Variants in MYO1E observed in about 807,000 individuals in gnomAD.
The protein encoded by MYO1E is unconventional myosin-Ie.
A neutral mutation model predicts 151.1 loss-of-function variants in MYO1E; 68 were observed. The observed-to-expected ratio is 0.45, with a 90% CI of 0.37 to 0.55. The LOEUF (loss-of-function observed/expected upper bound fraction) is 0.55, where lower values mean the gene tolerates loss of function less well. Among genes scored for constraint, MYO1E ranks in the 20% least tolerant of loss-of-function variants. The pLI is 0.00. For synonymous variants in MYO1E, 601 were observed against 501.7 expected, an observed-to-expected ratio of 1.20 and a Z score of -2.64; for missense variants, 1,363 against 1,389.3, an observed-to-expected ratio of 0.98 and a Z score of 0.30.
chr15:59,167,792 G>A (rs756597019), intron 22 of MYO1E, among the ~76,000 whole-genome samples: 5 of 152,040 alleles, frequency 3.3e-5, no homozygotes, highest in Admixed American at 6.6e-5. Flanking sequence ...TTCTCCTGCC[G>A]CAGCCTCCTA....
At chr15:59,252,380 C>T (rs917799942) in intron 4 of MYO1E, among the ~76,000 whole-genome samples, 16 of 151,982 alleles carry the variant, frequency 1.1e-4, no homozygotes, top group Admixed American at 8.5e-4. Flanking sequence ...GTCAGGAGTT[C>T]AAGACCAGCC....
chr15:59,240,335 T>C (rs1307389287), intron 4 of MYO1E, among the ~76,000 whole-genome samples: 1 of 152,180 alleles, frequency 6.6e-6, no homozygotes, highest in South Asian at 2.1e-4. Context: ...ACAGACTTTA[T>C]AGGAAATATT....
intron 4 of MYO1E, among the ~76,000 whole-genome samples, chr15:59,237,749 A>G (rs1330774379): frequency 6.6e-6 from 1 of 152,264 alleles, no homozygotes; most frequent in East Asian, 1.9e-4. Flanking sequence ...GGAAAGAGAA[A>G]ACATTTGCTT....
At chr15:59,269,994 C>T (rs1004181040) in intron 2 of MYO1E, among the ~76,000 whole-genome samples, 1 of 152,122 alleles carries the variant, frequency 6.6e-6, no homozygotes, top group Non-Finnish European at 1.5e-5. Flanking sequence ...AGTGTGAAAA[C>T]AACCCTAAAC....
intron 1 of MYO1E, among the ~76,000 whole-genome samples, chr15:59,357,833 G>C (rs910187454): frequency 2.0e-5 from 3 of 152,102 alleles, no homozygotes; most frequent in East Asian, 1.9e-4. Flanking sequence ...GGGATGGAGA[G>C]GGGGAGGAAT....
At chr15:59,238,369 A>G (rs1344676178) in intron 4 of MYO1E, among the ~76,000 whole-genome samples, 1 of 152,228 alleles carries the variant, frequency 6.6e-6, no homozygotes, top group African/African-American at 2.4e-5. Context: ...CAATGGCACA[A>G]CCACCCAATA....
intron 18 of MYO1E, among the ~76,000 whole-genome samples, chr15:59,187,284 C>T (rs1260858270): frequency 6.6e-6 from 1 of 152,134 alleles, no homozygotes; most frequent in Admixed American, 6.5e-5. Context: ...TGGCAAAGGG[C>T]CTCACAGACA....
rs764279863 is a variant in MYO1E, at chr15:59,205,396, T to G, written c.1616+4A>C. On this transcript the variant is annotated splice_donor_region_variant and intron_variant, in intron 15 of 27. Transcript: ENST00000288235. ...CCCTGTCAGCTATGGCAAAACATAC[T>G]TACAGCTCGCTGCTCTGCATAAGCT... 13 of 1,613,760 alleles carry G rather than the reference T, an allele frequency of 8.1e-6. No homozygotes were observed. Among genetic ancestry groups the G allele is most frequent in the Non-Finnish European group, 8.5e-6 (10 of 1,179,808 alleles).
chr15:59,258,852 G>C (rs1330959723), intron 3 of MYO1E, among the ~76,000 whole-genome samples: 1 of 148,422 alleles, frequency 6.7e-6, no homozygotes, highest in Non-Finnish European at 1.5e-5. Context: ...GTGAGACTTT[G>C]TTTCAAAAGA....
chr15:59,269,947 C>A (rs1316436273), intron 2 of MYO1E, among the ~76,000 whole-genome samples: 1 of 151,976 alleles, frequency 6.6e-6, no homozygotes, highest in Non-Finnish European at 1.5e-5. Context: ...TGAGACTTTG[C>A]AGAGAGTCTG....
chr15:59,160,127 T>C (rs1208956448), intron 24 of MYO1E, among the ~76,000 whole-genome samples: 1 of 152,078 alleles, frequency 6.6e-6, no homozygotes, highest in African/African-American at 2.4e-5. Context: ...TGAGCCACCG[T>C]GCCTGGCCTA....
intron 1 of MYO1E, among the ~76,000 whole-genome samples, chr15:59,368,607 G>A (rs544920181): frequency 8.5e-5 from 13 of 152,260 alleles, no homozygotes; most frequent in African/African-American, 2.2e-4. Flanking sequence ...TTAGCTGGGC[G>A]TTGTGGCAGG....
chr15:59,358,120 T>C (rs2080865251), intron 1 of MYO1E, among the ~76,000 whole-genome samples: 1 of 152,116 alleles, frequency 6.6e-6, no homozygotes, highest in Admixed American at 6.6e-5. Context: ...TCTCCTTGTC[T>C]CCATAGAGCA....
chr15:59,191,332 C>CAGAGAGAGAGACAG (rs2079731815), intron 17 of MYO1E, among the ~76,000 whole-genome samples: 1 of 105,660 alleles, frequency 9.5e-6, no homozygotes, highest in African/African-American at 3.5e-5. Flanking sequence ...CAGACAGAGA[C>CAGAGAGAGAGACAG]AGAGAGAGAG....
At chr15:59,183,534 G>T (rs1307451938) in intron 18 of MYO1E, among the ~76,000 whole-genome samples, 1 of 151,894 alleles carries the variant, frequency 6.6e-6, no homozygotes, top group African/African-American at 2.4e-5. Flanking sequence ...ATACATAGTA[G>T]GTATACATAT....
At position 59,314,628 on chromosome 15, in the gene MYO1E, C is replaced by T. The variant is rs190772200; in HGVS notation, c.4-42179G>A. Among the ~76,000 whole-genome samples, 106 of 151,980 alleles carry T rather than the reference C, an allele frequency of 7.0e-4. No homozygotes were observed. In the East Asian group the frequency reaches 0.019, roughly 28 times the overall value. On this transcript the variant is annotated intron_variant, in intron 1 of 27. Transcript: ENST00000288235. ...TCATTATACAACCCAGTGATTTTCA[C>T]TCCGGGGCAGCTCTGCTCCCCAGAG...
At chr15:59,275,477 G>A (rs1194662616) in intron 1 of MYO1E, among the ~76,000 whole-genome samples, 1 of 151,748 alleles carries the variant, frequency 6.6e-6, no homozygotes, top group Non-Finnish European at 1.5e-5. Flanking sequence ...TTACATATGT[G>A]AACTCATTCA....
At chr15:59,372,400 C>A in intron 1 of MYO1E, 98 bp downstream of exon 1, 1 of 1,450,826 alleles carries the variant, frequency 6.9e-7, no homozygotes, top group South Asian at 1.2e-5. Flanking sequence ...CTTCTCCACC[C>A]CTGGCCCCGG....
At chr15:59,299,031 A>T (rs2140402375) in intron 1 of MYO1E, among the ~76,000 whole-genome samples, 3 of 152,354 alleles carry the variant, frequency 2.0e-5, no homozygotes, top group Admixed American at 2.0e-4. Flanking sequence ...TCTCTATGGC[A>T]AATTATCACA....
Sources: allele counts gnomAD v4.1 joint callset (sites outside exome capture counted in the v4.1 genomes callset), GRCh38; gene constraint gnomAD v4.1.1; transcripts MANE v1.5; gene names NCBI Gene and HGNC (gene_info 2026-07-23, HGNC 2026-07-21).